The following DAZAP2 variants were observed in gnomAD, a reference collection of about 807,000 sequenced individuals.
DAZAP2 encodes the protein DAZ associated protein 2.
Under a neutral mutation model 16.2 loss-of-function variants are expected in DAZAP2, and 3 were observed. The ratio of observed to expected loss-of-function variants is 0.19; its 90% confidence interval spans 0.08 to 0.48. The LOEUF (loss-of-function observed/expected upper bound fraction) is 0.48, where lower values mean the gene tolerates loss of function less well. Ranked by LOEUF, DAZAP2 falls within the 20% of genes least tolerant of loss-of-function variation. The pLI is 0.98. For synonymous variants in DAZAP2, 69 were observed against 77.6 expected, an observed-to-expected ratio of 0.89 and a Z score of 0.58; for missense variants, 172 against 215.9, an observed-to-expected ratio of 0.80 and a Z score of 1.27.
At chr12:51,242,222 G>T in intron 3 of DAZAP2, 108 bp from the exon 4 acceptor site, 1 of 1,450,456 alleles carries the variant, frequency 6.9e-7, no homozygotes, top group African/African-American at 1.4e-5. Flanking sequence ...TCCTTAAAAC[G>T]CAGCTGGTTA....
chr12:51,244,324 G>A (rs1240800059), downstream of DAZAP2, among the ~76,000 whole-genome samples: 1 of 152,182 alleles, frequency 6.6e-6, no homozygotes, highest in Non-Finnish European at 1.5e-5. Flanking sequence ...AGCCTCCTGA[G>A]TAGCTGGGAT....
Position 51,243,604 on chromosome 12 carries a change from G to A in DAZAP2, c.*1146G>A. On this transcript the variant is annotated 3_prime_UTR_variant, in exon 4 of 4. Transcript: ENST00000412716. ...TATTTTATTTTATCTTATAATTTCA[G>A]TTCATCTAAATTGTGTGTTCTGTAC... 3 of 985,464 alleles carry A rather than the reference G, an allele frequency of 3.0e-6. No homozygotes were observed. The highest frequency in any genetic ancestry group is 4.7e-5 in the South Asian group (1 of 21,278). The allele number at this position is 985,464 out of a possible 1,614,324, so 61.0% of individuals were successfully genotyped here.
chr12:51,239,217 G>T, intron 1 of DAZAP2: 1 of 426,468 alleles, frequency 2.3e-6, no homozygotes, highest in South Asian at 2.9e-5. Context: ...GCTAGCGCAG[G>T]CATTCGCGTA....
chr12:51,242,893 G>C lies in DAZAP2; in HGVS notation c.*435G>C. 8.1e-7 allele frequency: 1 copy of C among 1,241,090 alleles called. No individual in the cohort carries two copies. Among genetic ancestry groups the C allele is most frequent in the Non-Finnish European group, 1.0e-6 (1 of 990,382 alleles). 76.9% of individuals were successfully genotyped at this position (1,241,090 alleles called of 1,614,324 possible). On this transcript the variant is annotated 3_prime_UTR_variant, in exon 4 of 4. Coordinates refer to ENST00000412716, the MANE Select transcript of DAZAP2 (RefSeq NM_014764.4). ...TGATATATATTACTTGTTATAAATG[G>C]AACGCATTAGTTGTCTGCCTTTTCC...
At position 51,243,725 on chromosome 12, in the gene DAZAP2, C is replaced by T; in HGVS notation, c.*1267C>T. The stretch of plus-strand genomic sequence containing the variant: ...GCACTTAACTTGTGGAATTTTTATA[C>T]TAAAAATGTAGAATAAAGACTATTT... On this transcript the variant is annotated 3_prime_UTR_variant, in exon 4 of 4. Coordinates refer to ENST00000412716, the MANE Select transcript of DAZAP2 (RefSeq NM_014764.4). 1 of 985,268 alleles carries T rather than the reference C, an allele frequency of 1.0e-6. No homozygotes were observed. Among genetic ancestry groups the T allele is most frequent in the Non-Finnish European group, 1.2e-6 (1 of 829,462 alleles). The allele number at this position is 985,268 out of a possible 1,614,324, so 61.0% of individuals were successfully genotyped here.
chr12:51,245,997 C>G (rs1418984876), downstream of DAZAP2: 1 of 1,613,816 alleles, frequency 6.2e-7, no homozygotes, highest in Non-Finnish European at 8.5e-7. Flanking sequence ...TCCATCTGGA[C>G]GATGGCACTG....
rs571090536 is a variant in DAZAP2 at position 51,242,396 on chromosome 12, G to A, written c.445G>A (p.Val149Ile). The change falls in exon 4 of 4, where the codon GTA (valine) becomes ATA (isoleucine). Residue 149 changes from valine (V) to isoleucine (I), a missense_variant. Transcript: ENST00000412716. ...AGTCATGCAGGGAGCCAACGTCCTC[G>A]TAACTCAGCGGAAGGGGAACTTCTT... ...LAVMQGANVL[V>I]TQRKGNFFMG... 1.4e-5 allele frequency: 23 copies of A among 1,614,076 alleles called. No homozygotes were observed. In the Admixed American group the frequency reaches 2.3e-4, roughly 16 times the overall value.
At chr12:51,239,176 C>T (rs1944614751) in intron 1 of DAZAP2, 2 of 512,914 alleles carry the variant, frequency 3.9e-6, no homozygotes, top group Middle Eastern at 5.2e-4. Context: ...GGGGGCTTGA[C>T]ATGATGGGCA....
Position 51,241,127 on chromosome 12 carries a change from C to T in DAZAP2, c.378+11C>T. ...GCTGGCAACATTCCTGTGAGTATGA[C>T]CTCATCAGAAGAAACTCAGCCCTTG... On this transcript the variant is annotated intron_variant, in intron 3 of 3. Transcript: ENST00000412716. The T allele has an allele frequency of 6.2e-7, 1 of 1,613,238 alleles. No homozygotes were observed. The highest frequency in any genetic ancestry group is 8.5e-7 in the Non-Finnish European group (1 of 1,179,402).
At position 51,243,707 on chromosome 12, in the gene DAZAP2, A is replaced by C; in HGVS notation, c.*1249A>C. On this transcript the variant is annotated 3_prime_UTR_variant, in exon 4 of 4. Coordinates refer to ENST00000412716, the MANE Select transcript of DAZAP2 (RefSeq NM_014764.4). ...CTCTCTCTACACTGTGGTGCACTTA[A>C]CTTGTGGAATTTTTATACTAAAAAT... The C allele has an allele frequency of 2.0e-6, 2 of 985,624 alleles. No individual in the cohort carries two copies. Among genetic ancestry groups the C allele is most frequent in the Non-Finnish European group, 2.4e-6 (2 of 829,734 alleles). 61.1% of individuals were successfully genotyped at this position (985,624 alleles called of 1,614,324 possible). A position where few individuals can be genotyped will look rare whatever the true frequency, so the allele number is the denominator to read the frequency against.
At position 51,240,849 on chromosome 12, in the gene DAZAP2, CCTTCT is replaced by C. The variant is rs781710160; in HGVS notation, c.133-16_133-12del. 6.2e-7 allele frequency: 1 copy of C among 1,605,400 alleles called. No individual in the cohort carries two copies. The highest frequency in any genetic ancestry group is 1.1e-5 in the South Asian group (1 of 90,938). On this transcript the variant is annotated splice_polypyrimidine_tract_variant and intron_variant, in intron 2 of 3. Transcript: ENST00000412716. ...AGGAATGTCATAAAGTAACATTTTGCCTTCTCTTCTGCCTCTTCTAGCTCTATCGT... is the reference window on the plus strand; with the variant it reads ...AGGAATGTCATAAAGTAACATTTTGCCTTCTGCCTCTTCTAGCTCTATCGT...
chr12:51,239,459 AG>A (rs1215869308), intron 1 of DAZAP2: 2 of 120,052 alleles, frequency 1.7e-5, no homozygotes, highest in African/African-American at 3.0e-5. Flanking sequence ...GAATAGGTTG[AG>A]GGGGTAAAAA....
chr12:51,239,996 C>G (rs933421930), intron 1 of DAZAP2: 2 of 280,702 alleles, frequency 7.1e-6, no homozygotes. Flanking sequence ...TGGAGACTAC[C>G]TAGAGCAGAG....
At chr12:51,245,029 G>A (rs60782430), downstream of DAZAP2, 4,605 of 151,810 alleles carry the variant, frequency 0.03, 227 homozygotes, top group East Asian at 0.11. Flanking sequence ...GGGTTTCACC[G>A]TGTTAGCCAG....
chr12:51,239,158 G>C (rs1944613480), intron 1 of DAZAP2: 1 of 556,606 alleles, frequency 1.8e-6, no homozygotes, highest in Middle Eastern at 4.9e-4. Context: ...TGCGGGCTCG[G>C]GTGGTGGGGG....
At chr12:51,246,590 C>T (rs958206405), downstream of DAZAP2, 13 of 501,230 alleles carry the variant, frequency 2.6e-5, no homozygotes, top group Non-Finnish European at 3.3e-5. Context: ...CAGAAGCCTC[C>T]GAGTCTTTTA....
intron 1 of DAZAP2, chr12:51,239,623 TAC>T (rs1944630860): frequency 1.3e-5 from 2 of 151,332 alleles, no homozygotes; most frequent in South Asian, 4.1e-4. Flanking sequence ...TATTAAAAAA[TAC>T]AAAAATCAGC....
Position 51,240,455 on chromosome 12 carries a change from C to T in DAZAP2, c.126C>T (p.Tyr42=), listed in dbSNP as rs769079513. 10 of 1,613,184 alleles carry T rather than the reference C, an allele frequency of 6.2e-6. No homozygotes were observed. The highest frequency in any genetic ancestry group is 7.6e-6 in the Non-Finnish European group (9 of 1,179,092). ...APPYTDAPPA[Y]SELYRPSFVH... is the part of the protein sequence containing the mutation. ...CCTATACCGATGCTCCACCTGCCTA[C>T]TCAGAGGTGCTTCCAGTTTGCCAGA... Residue 42 remains tyrosine, a synonymous_variant, in exon 2 of 4, where the codon TAC becomes TAT. Coordinates refer to ENST00000412716, the MANE Select transcript of DAZAP2 (RefSeq NM_014764.4).
Position 51,239,575 on chromosome 12 carries a change from T to TC in DAZAP2, c.13+656dup, listed in dbSNP as rs1317506423. On this transcript the variant is annotated intron_variant, in intron 1 of 3. Transcript: ENST00000412716. Reference sequence around the variant, plus strand: ...GGGCGGATCACCTGAGGTCAAGAGTTCGAGACCAGCCTGGCCAACGTGGTG... The same window carrying TC: ...GGGCGGATCACCTGAGGTCAAGAGTTCCGAGACCAGCCTGGCCAACGTGGTG... The TC allele has an allele frequency of 2.6e-5, 4 of 151,456 alleles. No individual in the cohort carries two copies. In the East Asian group the frequency reaches 7.8e-4, roughly 29 times the overall value. The allele number at this position is 151,456 out of a possible 1,614,324, so 9.4% of individuals were successfully genotyped here. A position where few individuals can be genotyped will look rare whatever the true frequency, so the allele number is the denominator to read the frequency against.
Sources: allele counts gnomAD v4.1 joint callset (sites outside exome capture counted in the v4.1 genomes callset), GRCh38; gene constraint gnomAD v4.1.1; transcripts MANE v1.5; gene names NCBI Gene and HGNC (gene_info 2026-07-23, HGNC 2026-07-21).